The following FNDC1 variants were observed in gnomAD, a reference collection of about 807,000 sequenced individuals.
FNDC1 encodes fibronectin type III domain-containing protein 1.
Under a neutral mutation model 168.0 loss-of-function variants are expected in FNDC1, and 96 were observed. The observed-to-expected ratio is 0.57, with a 90% CI of 0.48 to 0.68. FNDC1 has a LOEUF of 0.68. FNDC1 is among the 30% of genes least tolerant of loss of function. The pLI is 0.00. For synonymous variants in FNDC1, 1,099 were observed against 1,025.9 expected, an observed-to-expected ratio of 1.07 and a Z score of -1.36; for missense variants, 2,587 against 2,482.1, an observed-to-expected ratio of 1.04 and a Z score of -0.90.
In FNDC1 at chr6:159,215,169, T is replaced by G; in HGVS notation, c.667+18T>G. On this transcript the variant is annotated intron_variant, in intron 5 of 22. Transcript: ENST00000297267. ...AAAGCTAGGTGAGTTTCATATTCAT[T>G]GGTATTCAATGTTTCCATGGTCTTT... is the stretch of plus-strand genomic sequence containing the variant. 1 of 1,597,778 alleles carries G rather than the reference T, an allele frequency of 6.3e-7. No homozygotes were observed. The highest frequency in any genetic ancestry group is 2.2e-5 in the East Asian group (1 of 44,670).
At chr6:159,193,437 G>A (rs1344063291) in intron 1 of FNDC1, among the ~76,000 whole-genome samples, 1 of 152,106 alleles carries the variant, frequency 6.6e-6, no homozygotes, top group Non-Finnish European at 1.5e-5. Flanking sequence ...ATTTGATCTT[G>A]TTGGTCTTAC....
In FNDC1 at chr6:159,232,644, G is replaced by A. The variant is rs1783122122; in HGVS notation, c.2132G>A (p.Ser711Asn). The change falls in exon 11 of 23, where the codon AGT becomes AAT. Residue 711 changes from serine (S) to asparagine (N), a missense_variant. By Grantham distance (46) the Ser-to-Asn change is conservative (BLOSUM62 1). Coordinates refer to ENST00000297267, the MANE Select transcript of FNDC1 (RefSeq NM_032532.3). The surrounding 1 kb of genome is among the most constrained non-coding windows in gnomAD (Gnocchi z 4.9). ...PHSGAAEEDS[S>N]ASAPPSRLSP... ...TCAGGGGCCGCAGAGGAAGATTCCA[G>A]TGCCTCAGCCCCACCCTCAAGACTT... 1 of 1,612,626 alleles carries A rather than the reference G, an allele frequency of 6.2e-7. No individual in the cohort carries two copies. Among genetic ancestry groups the A allele is most frequent in the East Asian group, 2.2e-5 (1 of 44,830 alleles).
rs768880655 is a variant in FNDC1, at chr6:159,229,943, G to A, written c.1309G>A (p.Ala437Thr). The change falls in exon 10 of 23, where the codon GCC becomes ACC. Residue 437 changes from alanine (A) to threonine (T), a missense_variant. Physicochemically the swap from Ala to Thr is moderately conservative, Grantham distance 58. Transcript: ENST00000297267. The part of the protein sequence containing the change: ...PGERYLFKIR[A>T]TNRRGLGPHS... ...GGAACGCTATCTTTTCAAAATCCGG[G>A]CCACAAACAGGAGAGGCCTGGGACC... 6 of 1,613,874 alleles carry A rather than the reference G, an allele frequency of 3.7e-6. No homozygotes were observed. Among genetic ancestry groups the A allele is most frequent in the Non-Finnish European group, 5.1e-6 (6 of 1,179,848 alleles).
At chr6:159,268,893 A>G (rs1004102895) in intron 22 of FNDC1, among the ~76,000 whole-genome samples, 3 of 145,302 alleles carry the variant, frequency 2.1e-5, no homozygotes, top group African/African-American at 8.5e-5. Context: ...ATTTATAACT[A>G]TCTATCCATC....
Position 159,233,049 on chromosome 6 carries a change from C to T in FNDC1, c.2537C>T (p.Ser846Phe). The stretch of plus-strand genomic sequence containing the variant: ...GGGCGGGGACCTCGGCTGCAGCCCT[C>T]CAGCTCCCCACAGTCGACTGTGCCC... ...SIGRGPRLQP[S>F]SSPQSTVPSR... is the part of the protein sequence containing the mutation. The change falls in exon 11 of 23, where the codon TCC becomes TTC. Residue 846 changes from serine (S) to phenylalanine (F), a missense_variant. Coordinates refer to ENST00000297267, the MANE Select transcript of FNDC1 (RefSeq NM_032532.3). This position sits in a 1 kb window ranked among gnomAD's most constrained non-coding sequence, Gnocchi z 4.6. 3 of 1,611,036 alleles carry T rather than the reference C, an allele frequency of 1.9e-6. No individual in the cohort carries two copies. The highest frequency in any genetic ancestry group is 2.5e-6 in the Non-Finnish European group (3 of 1,178,780).
At chr6:159,262,210 G>A (rs1261098151) in intron 19 of FNDC1, among the ~76,000 whole-genome samples, 1 of 152,194 alleles carries the variant, frequency 6.6e-6, no homozygotes, top group East Asian at 1.9e-4. Flanking sequence ...AAGCCAGGCT[G>A]AGTTCAGAGC....
rs749539089 is a variant in FNDC1, at chr6:159,232,194, A to T, written c.1682A>T (p.Asp561Val). 1.8e-4 allele frequency: 296 copies of T among 1,613,472 alleles called. No individual in the cohort carries two copies. The highest frequency in any genetic ancestry group is 2.4e-4 in the Non-Finnish European group (289 of 1,179,784). ...CCCATGTCACCCTCAGACACCCAAGACCAGAAACGGACCCTGAGGCCGCCA... is the reference window on the plus strand; with the variant it reads ...CCCATGTCACCCTCAGACACCCAAGTCCAGAAACGGACCCTGAGGCCGCCA... ...DSPMSPSDTQ[D>V]QKRTLRPPSR... The change falls in exon 11 of 23, where the codon GAC (aspartate) becomes GTC (valine). Residue 561 changes from aspartate to valine, a missense_variant. Coordinates refer to ENST00000297267, the MANE Select transcript of FNDC1 (RefSeq NM_032532.3). This position sits in a 1 kb window ranked among gnomAD's most constrained non-coding sequence, Gnocchi z 4.9.
At chr6:159,221,542 T>C in intron 5 of FNDC1, 56 bp from the exon 6 acceptor site, 1 of 1,364,972 alleles carries the variant, frequency 7.3e-7, no homozygotes. Context: ...CCCCAGGGGA[T>C]GTGTGTTCCT....
At chr6:159,263,979 G>T (rs2115029805) in intron 19 of FNDC1, among the ~76,000 whole-genome samples, 1 of 151,954 alleles carries the variant, frequency 6.6e-6, no homozygotes, top group East Asian at 1.9e-4. Context: ...AACAAAAAAA[G>T]AACTTTTTCT....
At position 159,200,086 on chromosome 6, in the gene FNDC1, A is replaced by C; in HGVS notation, c.391+4A>C. On this transcript the variant is annotated splice_donor_region_variant and intron_variant, in intron 3 of 22. Transcript: ENST00000297267. ...TACAGAGCTGAAAGCCCACCTGGTAAGTCCTATCTAGAATCAGAGGCTGTA... is the reference window on the plus strand; with the variant it reads ...TACAGAGCTGAAAGCCCACCTGGTACGTCCTATCTAGAATCAGAGGCTGTA... 6.3e-7 allele frequency: 1 copy of C among 1,585,410 alleles called. No individual in the cohort carries two copies. Among genetic ancestry groups the C allele is most frequent in the Non-Finnish European group, 8.6e-7 (1 of 1,164,112 alleles).
At chr6:159,271,107 AC>A (rs1255754086) in intron 22 of FNDC1, among the ~76,000 whole-genome samples, 1 of 151,754 alleles carries the variant, frequency 6.6e-6, no homozygotes, top group Non-Finnish European at 1.5e-5. Context: ...GGTGGGGAAG[AC>A]CCCACCCCAG....
rs1324575362 is a variant in FNDC1 at position 159,261,175 on chromosome 6, T to G, written c.5175-15T>G. ...ATACATGTCTCTTTCAAAATATATC[T>G]TCTTCCAACTTCAGGTATTATTTTA... On this transcript the variant is annotated splice_polypyrimidine_tract_variant and intron_variant, in intron 18 of 22. Transcript: ENST00000297267. 4.4e-6 allele frequency: 7 copies of G among 1,593,812 alleles called. No individual in the cohort carries two copies. Among genetic ancestry groups the G allele is most frequent in the Non-Finnish European group, 5.2e-6 (6 of 1,164,614 alleles).
At chr6:159,214,391 C>T (rs987309680) in intron 4 of FNDC1, among the ~76,000 whole-genome samples, 1 of 152,170 alleles carries the variant, frequency 6.6e-6, no homozygotes, top group Admixed American at 6.5e-5. Context: ...CAGAGGATAG[C>T]AGCGATGGTG....
chr6:159,189,997 T>C (rs1014267756), intron 1 of FNDC1, among the ~76,000 whole-genome samples: 21 of 152,284 alleles, frequency 1.4e-4, no homozygotes, highest in African/African-American at 4.8e-4. Flanking sequence ...CAGCTTGACT[T>C]TGGAGTTGGC....
Position 159,269,287 on chromosome 6 carries a change from T to TC in FNDC1, c.5569+1362dup, listed in dbSNP as rs1457182106. 2.0e-3 allele frequency among the ~76,000 whole-genome samples: 79 copies of TC among 40,432 alleles called. 3 individuals carry two copies. The highest frequency in any genetic ancestry group is 5.9e-3 in the Non-Finnish European group (50 of 8,406). The allele number at this position is 40,432 out of a possible 152,430, so 26.5% of individuals were successfully genotyped here. The stretch of plus-strand genomic sequence containing the variant: ...ATCTATCTATCTATCTATCTATCTA[T>TC]CTATCCATCCATCCATCTATCCTAT... On this transcript the variant is annotated intron_variant, in intron 22 of 22. Coordinates refer to ENST00000297267, the MANE Select transcript of FNDC1 (RefSeq NM_032532.3).
At chr6:159,182,004 G>A (rs1490126387) in intron 1 of FNDC1, among the ~76,000 whole-genome samples, 1 of 152,140 alleles carries the variant, frequency 6.6e-6, no homozygotes, top group Non-Finnish European at 1.5e-5. Flanking sequence ...CTCTCTGATA[G>A]CCTGGGAGAA....
chr6:159,217,055 A>G (rs1289718294), intron 5 of FNDC1, among the ~76,000 whole-genome samples: 3 of 152,220 alleles, frequency 2.0e-5, no homozygotes, highest in Admixed American at 1.3e-4. Flanking sequence ...TGCGTGTGCT[A>G]TGTGGGGATG....
rs1481415518 is a variant in FNDC1 at position 159,256,566 on chromosome 6, C to G, written c.5109C>G (p.Asn1703Lys). ...CATCCTATGAAGACTTCATCAGGAACAAGTGGTCCACTCAAGCTTCATCAG... is the reference window on the plus strand; with the variant it reads ...CATCCTATGAAGACTTCATCAGGAAGAAGTGGTCCACTCAAGCTTCATCAG... ...YSASYEDFIRNKWSTQASSVT... is the reference protein window; with the variant it reads ...YSASYEDFIRKKWSTQASSVT... Residue 1703 changes from asparagine (N) to lysine (K), a missense_variant, in exon 18 of 23, where the codon AAC becomes AAG. Coordinates refer to ENST00000297267, the MANE Select transcript of FNDC1 (RefSeq NM_032532.3). 6.2e-7 allele frequency: 1 copy of G among 1,613,846 alleles called. No homozygotes were observed. Among genetic ancestry groups the G allele is most frequent in the African/African-American group, 1.3e-5 (1 of 74,926 alleles).
At position 159,234,286 on chromosome 6, in the gene FNDC1, T is replaced by C. The variant is rs1168559387; in HGVS notation, c.3774T>C (p.Pro1258=). 1.9e-6 allele frequency: 3 copies of C among 1,601,060 alleles called. No homozygotes were observed. In the African/African-American group the frequency reaches 4.0e-5, roughly 21 times the overall value. ...GCTCCCCCAGGGCCTCCCACGTCCC[T>C]TCCCGACTGCCGCCTCGCAGCGCTG... is the stretch of plus-strand genomic sequence containing the variant. ...PGSSPRASHV[P]SRLPPRSAAT... Residue 1258 remains proline (P), a synonymous_variant, in exon 11 of 23, where the codon CCT becomes CCC. Transcript: ENST00000297267.
Sources: gnomAD v4.1 joint callset for allele counts (sites outside exome capture counted in the v4.1 genomes callset) on GRCh38, gnomAD v4.1.1 for gene constraint, Gnocchi (gnomAD v3.1) non-coding constraint, MANE v1.5 for transcripts, NCBI Gene and HGNC (gene_info 2026-07-23, HGNC 2026-07-21) for gene names.